Variants in UBAP2 observed in about 807,000 individuals in gnomAD.
UBAP2 encodes the protein ubiquitin-associated protein 2.
UBAP2 carries 75 observed loss-of-function variants against 139.6 expected under a neutral mutation model. The observed-to-expected ratio is 0.54, with a 90% CI of 0.45 to 0.65. UBAP2 has a LOEUF of 0.65. Ranked by LOEUF, UBAP2 falls within the 30% of genes least tolerant of loss-of-function variation. The pLI, the probability that UBAP2 is intolerant of heterozygous loss-of-function variation, is 0.00. For synonymous variants in UBAP2, 526 were observed against 526.2 expected, an observed-to-expected ratio of 1.00 and a Z score of 0.01; for missense variants, 1,368 against 1,369.6, an observed-to-expected ratio of 1.00 and a Z score of 0.02.
In UBAP2 at chr9:34,009,662, G is replaced by A. The variant is rs148417964; in HGVS notation, c.99+7388C>T. On this transcript the variant is annotated intron_variant, in intron 2 of 28. Coordinates refer to ENST00000379238, the MANE Select transcript of UBAP2 (RefSeq NM_001370062.2). ...TTTTTGTAGAGACAGGTCTCACTAC[G>A]TTACTCAGGCTGGTCTCGAACTCCT... Among the ~76,000 whole-genome samples, 691 of 151,958 alleles carry A rather than the reference G, an allele frequency of 4.5e-3. 23 individuals carry two copies. Among genetic ancestry groups the A allele is most frequent in the Admixed American group, 0.04 (611 of 15,244 alleles).
intron 12 of UBAP2, among the ~76,000 whole-genome samples, chr9:33,952,216 T>A (rs546805295): frequency 6.6e-6 from 1 of 152,230 alleles, no homozygotes; most frequent in Non-Finnish European, 1.5e-5. Flanking sequence ...TCTGCATCCA[T>A]AGACCTTTCT....
intron 4 of UBAP2, among the ~76,000 whole-genome samples, chr9:33,991,902 A>G (rs949570303): frequency 6.6e-6 from 1 of 152,162 alleles, no homozygotes; most frequent in African/African-American, 2.4e-5. Context: ...TATCTTTATA[A>G]AGGGGCCAGC....
At chr9:34,017,381 G>A (rs1824460657) in intron 1 of UBAP2, among the ~76,000 whole-genome samples, 192 bp from the exon 2 acceptor site, 1 of 152,092 alleles carries the variant, frequency 6.6e-6, no homozygotes, top group Admixed American at 6.6e-5. Context: ...CTAAGTCTAT[G>A]GTTTACGAGC....
chr9:33,952,755 A>G (rs541840469), intron 12 of UBAP2: 1 of 154,776 alleles, frequency 6.5e-6, no homozygotes, highest in South Asian at 2.0e-4. Context: ...AACCATAAAA[A>G]AATTTTTATC....
At chr9:34,013,722 C>G (rs1164905872) in intron 2 of UBAP2, among the ~76,000 whole-genome samples, 2 of 151,488 alleles carry the variant, frequency 1.3e-5, no homozygotes, top group Non-Finnish European at 2.9e-5. Flanking sequence ...ACCAAAAATA[C>G]AAAAATTAGC....
chr9:34,004,135 G>C (rs1306694425), intron 2 of UBAP2, among the ~76,000 whole-genome samples: 2 of 152,042 alleles, frequency 1.3e-5, no homozygotes, highest in Non-Finnish European at 2.9e-5. Flanking sequence ...CTGCACAAAG[G>C]CTATAAAGAT....
At chr9:33,976,901 A>G (rs956184496) in intron 6 of UBAP2, among the ~76,000 whole-genome samples, 1 of 151,574 alleles carries the variant, frequency 6.6e-6, no homozygotes, top group Admixed American at 6.6e-5. Flanking sequence ...AATGCCAGCT[A>G]TTAGGGAGGC....
chr9:33,995,980 G>C (rs1424212966), intron 4 of UBAP2: 1 of 355,766 alleles, frequency 2.8e-6, no homozygotes, highest in Non-Finnish European at 5.1e-6. Flanking sequence ...GAGATTTTTG[G>C]AAACTGTAAG....
At chr9:34,008,615 G>C (rs143030332) in intron 2 of UBAP2, among the ~76,000 whole-genome samples, 65 of 102,772 alleles carry the variant, frequency 6.3e-4, no homozygotes, top group African/African-American at 2.5e-3. Context: ...GATTGTGTCT[G>C]GACTGCAAAG....
Position 33,923,210 on chromosome 9 carries a change from A to G in UBAP2, c.2980T>C (p.Ser994Pro). 1.9e-6 allele frequency: 3 copies of G among 1,614,164 alleles called. No individual in the cohort carries two copies. The highest frequency in any genetic ancestry group is 2.5e-6 in the Non-Finnish European group (3 of 1,180,024). ...CCTTTGCCAGGCCCAGAACCTGCAG[A>G]CTTGTTTGGTGCCTGCGATGATCCA... is the stretch of plus-strand genomic sequence containing the variant. ...YAGSSQAPNKSAGSGPGKGVS... is the reference protein window; with the variant it reads ...YAGSSQAPNKPAGSGPGKGVS... Residue 994 changes from serine to proline, a missense_variant, in exon 26 of 29, where the codon TCT becomes CCT. Physicochemically the swap from Ser to Pro is moderately conservative, Grantham distance 74. Transcript: ENST00000379238.
At chr9:33,948,823 AT>A in intron 12 of UBAP2, 1 of 437,482 alleles carries the variant, frequency 2.3e-6, no homozygotes, top group Non-Finnish European at 4.1e-6. Context: ...GAAGGGAAAT[AT>A]TTGCCATGAA....
At chr9:34,000,348 C>T (rs1321503550) in intron 2 of UBAP2, among the ~76,000 whole-genome samples, 1 of 152,062 alleles carries the variant, frequency 6.6e-6, no homozygotes, top group East Asian at 1.9e-4. Flanking sequence ...ACTGAAGTTT[C>T]GTTTTCTGAT....
At position 33,944,600 on chromosome 9, in the gene UBAP2, TGGC is replaced by T. The variant is rs1356251596; in HGVS notation, c.1307_1309del (p.Ser436_Gln437delinsLys). 3 of 1,614,002 alleles carry T rather than the reference TGGC, an allele frequency of 1.9e-6. No homozygotes were observed. The highest frequency in any genetic ancestry group is 2.5e-6 in the Non-Finnish European group (3 of 1,180,026). On this transcript the variant is annotated inframe_deletion, in exon 14 of 29. Transcript: ENST00000379238. Reference sequence around the variant, plus strand: ...CTGGTGCTGTTGTCGCTGGCTCAACTGGCTAAGAACTGGGGATGGCTCAGGTTG... The same window carrying T: ...CTGGTGCTGTTGTCGCTGGCTCAACTTAAGAACTGGGGATGGCTCAGGTTG...
rs1298738833 is a variant in UBAP2 at position 33,932,599 on chromosome 9, G to A, written c.2138C>T (p.Ser713Phe). The A allele has an allele frequency of 1.2e-6, 2 of 1,614,116 alleles. No individual in the cohort carries two copies. Among genetic ancestry groups the A allele is most frequent in the African/African-American group, 1.3e-5 (1 of 75,070 alleles). Residue 713 changes from serine (S) to phenylalanine (F), a missense_variant, in exon 19 of 29, where the codon TCT (serine) becomes TTT (phenylalanine). Coordinates refer to ENST00000379238, the MANE Select transcript of UBAP2 (RefSeq NM_001370062.2). ...SSLSSHQSSL[S>F]AHAALSSSTS... ...GCTCGAGGAGAGGGCTGCATGTGCA[G>A]AGAGGCTGCTCTGGTGGCTGGAGAG... is the stretch of plus-strand genomic sequence containing the variant.
intron 1 of UBAP2, among the ~76,000 whole-genome samples, chr9:34,048,359 A>G (rs941752782): frequency 2.0e-5 from 3 of 152,172 alleles, no homozygotes; most frequent in Non-Finnish European, 2.9e-5. Flanking sequence ...GTAAGCCAGG[A>G]AAGGTTAGAG....
At chr9:34,048,494 G>A (rs1273836578) in intron 1 of UBAP2, among the ~76,000 whole-genome samples, 1 of 152,200 alleles carries the variant, frequency 6.6e-6, no homozygotes, top group Admixed American at 6.5e-5. Flanking sequence ...AGGCACCGAG[G>A]TGGGAGAGAA....
chr9:34,047,434 A>AGG (rs955955830), intron 1 of UBAP2, among the ~76,000 whole-genome samples: 79 of 152,166 alleles, frequency 5.2e-4, no homozygotes, highest in Non-Finnish European at 9.3e-4. Flanking sequence ...CTGAGGTAAA[A>AGG]GGGGAACACA....
chr9:33,960,911 C>A (rs1339959668), intron 9 of UBAP2, 33 bp from the exon 10 acceptor site: 1 of 1,607,586 alleles, frequency 6.2e-7, no homozygotes, highest in Non-Finnish European at 8.5e-7. Context: ...AAAGTTTATA[C>A]CACAAAGTCA....
chr9:34,004,357 T>C (rs766258199), intron 2 of UBAP2, among the ~76,000 whole-genome samples: 1 of 152,086 alleles, frequency 6.6e-6, no homozygotes, highest in Non-Finnish European at 1.5e-5. Flanking sequence ...TGGTGGTAAG[T>C]GCTGTAGTCC....
Sources: allele counts gnomAD v4.1 joint callset (sites outside exome capture counted in the v4.1 genomes callset), GRCh38; gene constraint gnomAD v4.1.1; transcripts MANE v1.5; gene names NCBI Gene and HGNC (gene_info 2026-07-23, HGNC 2026-07-21).